The following ZMYM4 variants were observed in gnomAD, a reference collection of about 807,000 sequenced individuals.
The protein encoded by ZMYM4 is zinc finger MYM-type containing 4.
ZMYM4 carries 31 observed loss-of-function variants against 183.2 expected under a neutral mutation model. The ratio of observed to expected loss-of-function variants is 0.17; its 90% CI spans 0.13 to 0.23. The LOEUF (loss-of-function observed/expected upper bound fraction) is 0.23. Among genes scored for constraint, ZMYM4 ranks in the 10% least tolerant of loss-of-function variants. The pLI is 1.00. For missense variants in ZMYM4, 1,273 were observed against 1,840.3 expected, an observed-to-expected ratio of 0.69 and a Z score of 5.64; for synonymous variants, 592 against 631.2, an observed-to-expected ratio of 0.94 and a Z score of 0.93.
At chr1:35,373,538 C>T (rs1455584907) in intron 7 of ZMYM4, among the ~76,000 whole-genome samples, 1 of 146,378 alleles carries the variant, frequency 6.8e-6, no homozygotes, top group Non-Finnish European at 1.5e-5. Context: ...CCACCATGCA[C>T]AGCTAATTTT....
intron 7 of ZMYM4, among the ~76,000 whole-genome samples, chr1:35,372,034 C>G (rs1482472286): frequency 6.6e-6 from 1 of 152,158 alleles, no homozygotes; most frequent in African/African-American, 2.4e-5. Flanking sequence ...ATTACACATT[C>G]TTTTGAATAG....
chr1:35,294,091 C>T lies in ZMYM4; in HGVS notation c.39+25006C>T, dbSNP rs539903178. Among the ~76,000 whole-genome samples, 11 of 151,152 alleles carry T rather than the reference C, an allele frequency of 7.3e-5. No homozygotes were observed. The East Asian group carries it at 7.8e-4, about 11-fold the overall frequency. On this transcript the variant is annotated intron_variant, in intron 1 of 29. Coordinates refer to ENST00000314607, the MANE Select transcript of ZMYM4 (RefSeq NM_005095.3). ...CAGAGGTTGCAGTGAGCCAAGATTG[C>T]GCCACTGCACTCCAGCCTGGGTGAC...
chr1:35,382,675 C>T (rs1202624149), intron 9 of ZMYM4, among the ~76,000 whole-genome samples: 1 of 152,038 alleles, frequency 6.6e-6, no homozygotes, highest in Admixed American at 6.6e-5. Flanking sequence ...AAACTCCTGA[C>T]CTCAAGTGAT....
Position 35,389,222 on chromosome 1 carries a change from T to G in ZMYM4, c.2436+140T>G. On this transcript the variant is annotated intron_variant, in intron 14 of 29. Coordinates refer to ENST00000314607, the MANE Select transcript of ZMYM4 (RefSeq NM_005095.3). This position sits in a 1 kb window ranked among gnomAD's most constrained non-coding sequence, Gnocchi z 4.0. ...GTTTTATGCCTTCTAGCAATTAATA[T>G]AAGATTTAGAAAGACTTTAATGTTA... 1.2e-6 allele frequency: 1 copy of G among 837,088 alleles called. No individual in the cohort carries two copies. Among genetic ancestry groups the G allele is most frequent in the South Asian group, 2.2e-5 (1 of 44,852 alleles). The allele number at this position is 837,088 out of a possible 1,614,324, so 51.9% of individuals were successfully genotyped here.
At chr1:35,405,868 C>T (rs1363471325) in intron 25 of ZMYM4, among the ~76,000 whole-genome samples, 1 of 151,624 alleles carries the variant, frequency 6.6e-6, no homozygotes, top group African/African-American at 2.4e-5. Context: ...TTGTGGGTTT[C>T]ACTTCAGCTG....
intron 1 of ZMYM4, among the ~76,000 whole-genome samples, chr1:35,287,958 A>G (rs1426326924): frequency 6.6e-6 from 1 of 152,186 alleles, no homozygotes; most frequent in Non-Finnish European, 1.5e-5. Flanking sequence ...GATGGAATGC[A>G]GTGGCAAGAT....
chr1:35,390,905 G>C (rs1382299529), intron 15 of ZMYM4, among the ~76,000 whole-genome samples: 1 of 152,186 alleles, frequency 6.6e-6, no homozygotes, highest in African/African-American at 2.4e-5. Flanking sequence ...GATGGTTCAT[G>C]CCTGTAATCC....
intron 1 of ZMYM4, among the ~76,000 whole-genome samples, chr1:35,288,880 G>A (rs1249983156): frequency 6.6e-6 from 1 of 152,134 alleles, no homozygotes; most frequent in Non-Finnish European, 1.5e-5. Context: ...GTTCACTTTA[G>A]GAGATTCAGT....
At chr1:35,395,680 A>G (rs149241937) in intron 18 of ZMYM4, among the ~76,000 whole-genome samples, 87 of 152,300 alleles carry the variant, frequency 5.7e-4, no homozygotes, top group African/African-American at 2.0e-3. Flanking sequence ...CATCATCATA[A>G]CTGGGCCTAG....
chr1:35,311,559 C>T (rs1047689442), intron 1 of ZMYM4, among the ~76,000 whole-genome samples: 5 of 151,892 alleles, frequency 3.3e-5, no homozygotes, highest in South Asian at 2.1e-4. Context: ...GAGCCATGAG[C>T]GTACCACTGT....
chr1:35,355,629 T>C (rs966106189), intron 2 of ZMYM4, among the ~76,000 whole-genome samples: 3 of 152,190 alleles, frequency 2.0e-5, no homozygotes, highest in African/African-American at 7.2e-5. Flanking sequence ...TGGTTTGTGT[T>C]TTCTCATCTC....
chr1:35,337,590 G>C (rs1558030174), intron 2 of ZMYM4, among the ~76,000 whole-genome samples: 1 of 152,130 alleles, frequency 6.6e-6, no homozygotes, highest in South Asian at 2.1e-4. Context: ...AAACATTTTA[G>C]ACTTTGTAGG....
Position 35,389,884 on chromosome 1 carries a change from AT to A in ZMYM4, c.2437-59del. 3.9e-6 allele frequency: 6 copies of A among 1,527,994 alleles called. No homozygotes were observed. Among genetic ancestry groups the A allele is most frequent in the Non-Finnish European group, 5.3e-6 (6 of 1,133,016 alleles). The allele number at this position is 1,527,994 out of a possible 1,614,324, so 94.7% of individuals were successfully genotyped here. Reference sequence around the variant, plus strand: ...TTTCGTCACTTGTTATGTGTGTCTTATTTTTATTTTGTCAGACCACAGATAA... The same window carrying A: ...TTTCGTCACTTGTTATGTGTGTCTTATTTTATTTTGTCAGACCACAGATAA... On this transcript the variant is annotated intron_variant, in intron 14 of 29. Transcript: ENST00000314607. The surrounding 1 kb of genome is among the most constrained non-coding windows in gnomAD (Gnocchi z 4.0).
At chr1:35,402,571 A>G (rs1644928788) in intron 23 of ZMYM4, among the ~76,000 whole-genome samples, 1 of 152,136 alleles carries the variant, frequency 6.6e-6, no homozygotes, top group Admixed American at 6.5e-5. Context: ...GTAAGCCCTG[A>G]TCATGCCACT....
chr1:35,282,839 A>G (rs1330243532), intron 1 of ZMYM4, among the ~76,000 whole-genome samples: 1 of 151,880 alleles, frequency 6.6e-6, no homozygotes, highest in Non-Finnish European at 1.5e-5. Context: ...TACAGGTGTG[A>G]GCCACCATGC....
At chr1:35,349,045 G>A (rs750979389) in intron 2 of ZMYM4, among the ~76,000 whole-genome samples, 80 of 152,174 alleles carry the variant, frequency 5.3e-4, no homozygotes, top group Non-Finnish European at 5.3e-4. Flanking sequence ...ACCCGGGCTG[G>A]AGTTCAGTGG....
chr1:35,290,243 C>T (rs1046249556), intron 1 of ZMYM4, among the ~76,000 whole-genome samples: 4 of 152,174 alleles, frequency 2.6e-5, no homozygotes, highest in African/African-American at 7.2e-5. Context: ...GCTGGGATTA[C>T]AGGCGTGAGC....
At chr1:35,285,638 A>G (rs1640445645) in intron 1 of ZMYM4, among the ~76,000 whole-genome samples, 3 of 152,208 alleles carry the variant, frequency 2.0e-5, no homozygotes, top group African/African-American at 7.2e-5. Flanking sequence ...TTTGCATTGT[A>G]TTAGGTGTTA....
In ZMYM4 at chr1:35,396,646, A is replaced by T. The variant is rs764104582; in HGVS notation, c.3006A>T (p.Pro1002=). Residue 1002 remains proline, a synonymous_variant, in exon 19 of 30, where the codon CCA becomes CCT. Coordinates refer to ENST00000314607, the MANE Select transcript of ZMYM4 (RefSeq NM_005095.3). The stretch of plus-strand genomic sequence containing the variant: ...TTCACCTTTATACTCAATATGCTCC[A>T]GTCCCATTTGGAATTCCAGTTCCAG... The part of the protein sequence containing the change: ...IPLHLYTQYA[P]VPFGIPVPMP... 6.2e-7 allele frequency: 1 copy of T among 1,613,404 alleles called. No individual in the cohort carries two copies. Among genetic ancestry groups the T allele is most frequent in the Non-Finnish European group, 8.5e-7 (1 of 1,179,608 alleles).
Sources: allele counts gnomAD v4.1 joint callset (sites outside exome capture counted in the v4.1 genomes callset), GRCh38; gene constraint gnomAD v4.1.1; non-coding constraint Gnocchi (gnomAD v3.1); transcripts MANE v1.5; gene names NCBI Gene and HGNC (gene_info 2026-07-23, HGNC 2026-07-21).